Variants in SLC9A8 observed in about 807,000 individuals in gnomAD.
SLC9A8 encodes the protein sodium/hydrogen exchanger 8.
Under a neutral mutation model 66.6 loss-of-function variants are expected in SLC9A8, and 48 were observed. The ratio of observed to expected loss-of-function variants is 0.72; its 90% CI spans 0.57 to 0.92. The LOEUF is 0.92. Ranked by LOEUF, SLC9A8 falls within the 40% of genes least tolerant of loss-of-function variation. The probability of loss-of-function intolerance (pLI) is 0.00; values close to 1 mark genes in which losing one functional copy is unlikely to be tolerated. For missense variants in SLC9A8, 599 were observed against 747.3 expected, an observed-to-expected ratio of 0.80 and a Z score of 2.31; for synonymous variants, 274 against 282.6, an observed-to-expected ratio of 0.97 and a Z score of 0.31.
chr20:49,874,688 G>C lies in SLC9A8; in HGVS notation c.959-17G>C, dbSNP rs2089353355. ...ATCACACGGCAGTGCTTTCTGTTCTGTTCTCTCCCTCTCTAGGCATCATGG... is the reference window on the plus strand; with the variant it reads ...ATCACACGGCAGTGCTTTCTGTTCTCTTCTCTCCCTCTCTAGGCATCATGG... On this transcript the variant is annotated splice_polypyrimidine_tract_variant and intron_variant, in intron 10 of 15. Coordinates refer to ENST00000361573, the MANE Select transcript of SLC9A8 (RefSeq NM_015266.3). The C allele has an allele frequency of 1.4e-6, 2 of 1,480,818 alleles. No individual in the cohort carries two copies. Among genetic ancestry groups the C allele is most frequent in the Non-Finnish European group, 1.9e-6 (2 of 1,058,630 alleles). 91.7% of individuals were successfully genotyped at this position (1,480,818 alleles called of 1,614,324 possible).
intron 10 of SLC9A8, among the ~76,000 whole-genome samples, chr20:49,868,611 A>G (rs2089071086): frequency 6.6e-6 from 1 of 152,226 alleles, no homozygotes; most frequent in African/African-American, 2.4e-5. Context: ...CATGTAGGGA[A>G]CACAGTTGCT....
intron 2 of SLC9A8, among the ~76,000 whole-genome samples, chr20:49,820,483 G>A (rs2086694199): frequency 6.6e-6 from 1 of 151,980 alleles, no homozygotes; most frequent in East Asian, 1.9e-4. Context: ...GTGACAGAGT[G>A]AGACTCTGTC....
intron 15 of SLC9A8, among the ~76,000 whole-genome samples, chr20:49,887,360 C>T (rs1444141116): frequency 2.0e-5 from 3 of 152,170 alleles, no homozygotes; most frequent in African/African-American, 7.2e-5. Flanking sequence ...CCATTTTCCA[C>T]TCTCCGGCAG....
At chr20:49,863,356 G>A (rs1034491164) in intron 9 of SLC9A8, among the ~76,000 whole-genome samples, 2 of 152,188 alleles carry the variant, frequency 1.3e-5, no homozygotes, top group African/African-American at 2.4e-5. Context: ...ACCACACTCC[G>A]ATGATTTTCG....
intron 12 of SLC9A8, among the ~76,000 whole-genome samples, 155 bp from the exon 13 acceptor site, chr20:49,880,769 C>G (rs1280941995): frequency 6.6e-6 from 1 of 152,186 alleles, no homozygotes; most frequent in Admixed American, 6.5e-5. Context: ...TGCTGGGTCT[C>G]TGACGAGCAT....
rs1291289940 is a variant in SLC9A8 at position 49,855,488 on chromosome 20, C to T, written c.620C>T (p.Ala207Val). ...GCTGTCGATCCAGTGGCCACTATTG[C>T]CATTTTCAATGCACTTCATGTGGAC... ...ISAVDPVATI[A>V]IFNALHVDPV... is the part of the protein sequence containing the mutation. The change falls in exon 8 of 16, where the codon GCC (alanine) becomes GTC (valine). Residue 207 changes from alanine to valine, a missense_variant. By Grantham distance (64) the Ala-to-Val change is moderately conservative (BLOSUM62 0). Coordinates refer to ENST00000361573, the MANE Select transcript of SLC9A8 (RefSeq NM_015266.3). 9 of 1,614,010 alleles carry T rather than the reference C, an allele frequency of 5.6e-6. No individual in the cohort carries two copies. The highest frequency in any genetic ancestry group is 7.6e-6 in the Non-Finnish European group (9 of 1,179,998).
At chr20:49,887,015 C>A in intron 15 of SLC9A8, 117 bp downstream of exon 15, 14 of 1,138,404 alleles carry the variant, frequency 1.2e-5, no homozygotes, top group Non-Finnish European at 1.7e-5. Flanking sequence ...TCACGTGGGC[C>A]CGCCAGGCCG....
At chr20:49,870,302 G>T (rs188420704) in intron 10 of SLC9A8, among the ~76,000 whole-genome samples, 1 of 152,352 alleles carries the variant, frequency 6.6e-6, no homozygotes, top group East Asian at 1.9e-4. Context: ...GACAAGAAGA[G>T]AAATTAAAGC....
At position 49,878,074 on chromosome 20, in the gene SLC9A8, T is replaced by C; in HGVS notation, c.1158+11T>C. 6.5e-7 allele frequency: 1 copy of C among 1,532,030 alleles called. No homozygotes were observed. 94.9% of individuals were successfully genotyped at this position (1,532,030 alleles called of 1,614,324 possible). On this transcript the variant is annotated intron_variant, in intron 12 of 15. Transcript: ENST00000361573. ...GTCATCTGGTGCATAGTAAGTATTT[T>C]CCTTTTTTTTTTTAAATTTAATTAC...
Position 49,887,992 on chromosome 20 carries a change from A to C in SLC9A8, c.*56A>C, listed in dbSNP as rs1441041024. 3 of 1,378,268 alleles carry C rather than the reference A, an allele frequency of 2.2e-6. No homozygotes were observed. The Admixed American group carries it at 5.1e-5, about 23-fold the overall frequency. The allele number at this position is 1,378,268 out of a possible 1,614,324, so 85.4% of individuals were successfully genotyped here. A position where few individuals can be genotyped will look rare whatever the true frequency, so the allele number is the denominator to read the frequency against. ...CCCAGGATGGGCGTTTGCTGCGCAC[A>C]GACACTCAGCAGGGGCCTCGCAGAG... On this transcript the variant is annotated 3_prime_UTR_variant, in exon 16 of 16. Coordinates refer to ENST00000361573, the MANE Select transcript of SLC9A8 (RefSeq NM_015266.3).
chr20:49,822,804 G>A (rs777099220), intron 2 of SLC9A8, among the ~76,000 whole-genome samples: 3 of 152,130 alleles, frequency 2.0e-5, no homozygotes, highest in Non-Finnish European at 2.9e-5. Context: ...TTAGATTTCT[G>A]TTCCTCTTCC....
chr20:49,837,973 C>T (rs533602470), intron 3 of SLC9A8, among the ~76,000 whole-genome samples: 1 of 152,116 alleles, frequency 6.6e-6, no homozygotes, highest in Non-Finnish European at 1.5e-5. Context: ...TAATGTTGAA[C>T]AAAATAGCAA....
At chr20:49,840,081 GA>G (rs2087700583) in intron 4 of SLC9A8, among the ~76,000 whole-genome samples, 1 of 152,080 alleles carries the variant, frequency 6.6e-6, no homozygotes, top group South Asian at 2.1e-4. Context: ...TTTTACAGAT[GA>G]AAAAAGTGAC....
chr20:49,884,282 C>CG lies in SLC9A8; in HGVS notation c.1491+216_1491+217insG, dbSNP rs1347157270. On this transcript the variant is annotated intron_variant, in intron 14 of 15. Coordinates refer to ENST00000361573, the MANE Select transcript of SLC9A8 (RefSeq NM_015266.3). ...ACGACACACACACACACGACACACA[C>CG]ACACACGACACACACACACACACAC... 690 of 300,656 alleles carry CG rather than the reference C, an allele frequency of 2.3e-3. 12 individuals are homozygous for CG. Among genetic ancestry groups the CG allele is most frequent in the South Asian group, 4.4e-3 (190 of 42,734 alleles). 18.6% of individuals were successfully genotyped at this position (300,656 alleles called of 1,614,324 possible). A position where few individuals can be genotyped will look rare whatever the true frequency, so the allele number is the denominator to read the frequency against.
rs573028561 is a variant in SLC9A8, at chr20:49,859,483, T to G, written c.714-3446T>G. On this transcript the variant is annotated intron_variant, in intron 8 of 15. Coordinates refer to ENST00000361573, the MANE Select transcript of SLC9A8 (RefSeq NM_015266.3). Reference sequence around the variant, plus strand: ...ACTTACCCCCGCCTCCCCCTCCACCTTTTTTTTTTTTTTTAGTACAGAAGA... The same window carrying G: ...ACTTACCCCCGCCTCCCCCTCCACCGTTTTTTTTTTTTTTAGTACAGAAGA... 4.8e-3 allele frequency among the ~76,000 whole-genome samples: 294 copies of G among 61,598 alleles called. 1 individual carries two copies. Among genetic ancestry groups the G allele is most frequent in the African/African-American group, 0.011 (284 of 24,868 alleles). 40.4% of individuals were successfully genotyped at this position (61,598 alleles called of 152,430 possible).
At chr20:49,850,754 T>C (rs1275942954) in intron 6 of SLC9A8, 56 bp from the exon 7 acceptor site, 3 of 1,598,538 alleles carry the variant, frequency 1.9e-6, no homozygotes, top group African/African-American at 1.4e-5. Flanking sequence ...ATCTTGGCTG[T>C]TCTCCAGGGT....
chr20:49,841,974 A>G (rs1469417381), intron 4 of SLC9A8, among the ~76,000 whole-genome samples: 1 of 152,172 alleles, frequency 6.6e-6, no homozygotes, highest in East Asian at 1.9e-4. Context: ...TCCTGGGCTC[A>G]AGTGATCCTC....
chr20:49,886,615 GCCCGTC>G lies in SLC9A8; in HGVS notation c.1492-136_1492-131del, dbSNP rs1355459894. 11 of 1,041,950 alleles carry G rather than the reference GCCCGTC, an allele frequency of 1.1e-5. No homozygotes were observed. The East Asian group carries it at 2.8e-4, about 26-fold the overall frequency. The allele number at this position is 1,041,950 out of a possible 1,614,324, so 64.5% of individuals were successfully genotyped here. A position where few individuals can be genotyped will look rare whatever the true frequency, so the allele number is the denominator to read the frequency against. On this transcript the variant is annotated intron_variant, in intron 14 of 15. Coordinates refer to ENST00000361573, the MANE Select transcript of SLC9A8 (RefSeq NM_015266.3). This position sits in a 1 kb window ranked among gnomAD's most constrained non-coding sequence, Gnocchi z 4.8. Reference sequence around the variant, plus strand: ...GCAGGCTCCCAGGAGGCCGTCTGCTGCCCGTCACCCTGCATTGATGGTCAAGTGGAG... The same window carrying G: ...GCAGGCTCCCAGGAGGCCGTCTGCTGACCCTGCATTGATGGTCAAGTGGAG...
At chr20:49,820,219 T>A (rs2086684240) in intron 2 of SLC9A8, among the ~76,000 whole-genome samples, 1 of 152,162 alleles carries the variant, frequency 6.6e-6, no homozygotes, top group Non-Finnish European at 1.5e-5. Context: ...CTGGGCGTGG[T>A]GGCTCATACC....
Sources: gnomAD v4.1 joint callset for allele counts (sites outside exome capture counted in the v4.1 genomes callset) on GRCh38, gnomAD v4.1.1 for gene constraint, Gnocchi (gnomAD v3.1) non-coding constraint, MANE v1.5 for transcripts, NCBI Gene and HGNC (gene_info 2026-07-23, HGNC 2026-07-21) for gene names.